XYLB: variants seen among roughly 807,000 people sequenced by gnomAD.
XYLB encodes xylulose kinase.
A neutral mutation model predicts 78.7 loss-of-function variants in XYLB; 62 were observed. The ratio of observed to expected loss-of-function variants is 0.79; its 90% CI spans 0.64 to 0.97. XYLB has a LOEUF of 0.97. XYLB is among the 50% of genes least tolerant of loss of function. XYLB has a pLI of 0.00. For synonymous variants in XYLB, 245 were observed against 247.4 expected, an observed-to-expected ratio of 0.99 and a Z score of 0.09; for missense variants, 687 against 676.8, an observed-to-expected ratio of 1.02 and a Z score of -0.17.
intron 11 of XYLB, 24 bp downstream of exon 11, chr3:38,374,526 A>G: frequency 1.9e-6 from 3 of 1,613,268 alleles, no homozygotes; most frequent in Non-Finnish European, 2.5e-6. Flanking sequence ...CCACACCCAT[A>G]GGCTCTTTCT....
intron 1 of XYLB, 89 bp from the exon 2 acceptor site, chr3:38,348,461 T>G (rs1705186279): frequency 1.6e-6 from 2 of 1,248,304 alleles, no homozygotes; most frequent in African/African-American, 2.9e-5. Context: ...TCCTAGGGTG[T>G]GGGGCCTCAT....
exon 18 of XYLB, among the ~76,000 whole-genome samples, chr3:38,420,104 C>T (rs1365545850): frequency 3.9e-5 from 6 of 152,168 alleles, no homozygotes; most frequent in African/African-American, 1.4e-4. Flanking sequence ...CAGGCGTGAG[C>T]CACCACGCCC....
chr3:38,386,266 C>G (rs544535710), intron 15 of XYLB, among the ~76,000 whole-genome samples: 23 of 152,218 alleles, frequency 1.5e-4, no homozygotes, highest in African/African-American at 5.5e-4. Flanking sequence ...ATCTGCCCCA[C>G]TCTGGTTATG....
chr3:38,426,913 C>T, the XYLB span, among the ~76,000 whole-genome samples: 4 of 152,268 alleles, frequency 2.6e-5, no homozygotes, highest in South Asian at 2.1e-4. Flanking sequence ...CACCTGGCCC[C>T]GCCCGGAGCA....
Position 38,366,793 on chromosome 3 carries a change from A to C in XYLB, c.508-15A>C. The C allele has an allele frequency of 6.3e-7, 1 of 1,598,558 alleles. No homozygotes were observed. Among genetic ancestry groups the C allele is most frequent in the Non-Finnish European group, 8.6e-7 (1 of 1,166,124 alleles). Reference sequence around the variant, plus strand: ...GTAGGATTTGGGTTCCTAAGAATTTATATTCCTTTTCCAGCGTTTTACAGG... The same window carrying C: ...GTAGGATTTGGGTTCCTAAGAATTTCTATTCCTTTTCCAGCGTTTTACAGG... On this transcript the variant is annotated splice_polypyrimidine_tract_variant and intron_variant, in intron 6 of 18. Coordinates refer to ENST00000207870, the MANE Select transcript of XYLB (RefSeq NM_005108.4).
At chr3:38,436,971 T>A in the XYLB span, among the ~76,000 whole-genome samples, 1 of 149,772 alleles carries the variant, frequency 6.7e-6, no homozygotes, top group Non-Finnish European at 1.5e-5. Flanking sequence ...ACCACTGCAC[T>A]CCAGCCTGGG....
chr3:38,417,597 C>T (rs1186431482), downstream of XYLB, among the ~76,000 whole-genome samples: 2 of 152,232 alleles, frequency 1.3e-5, no homozygotes, highest in African/African-American at 4.8e-5. Flanking sequence ...AAGACAGTTT[C>T]TAGCCCAGGC....
At chr3:38,397,925 T>C (rs1341622888) in intron 17 of XYLB, among the ~76,000 whole-genome samples, 4 of 151,132 alleles carry the variant, frequency 2.6e-5, no homozygotes, top group Non-Finnish European at 5.9e-5. Flanking sequence ...TTCACACCAT[T>C]CTCCTGCCTC....
chr3:38,413,176 G>T lies in XYLB; in HGVS notation c.*163G>T. On this transcript the variant is annotated 3_prime_UTR_variant, in exon 19 of 19. Transcript: ENST00000207870. ...TCTTAAAGCCGCCCTCAGCACATCT[G>T]CATGAAGATAGATAGGCACTCCTGT... 2 of 568,024 alleles carry T rather than the reference G, an allele frequency of 3.5e-6. No homozygotes were observed. The highest frequency in any genetic ancestry group is 5.7e-6 in the Non-Finnish European group (2 of 348,258). The allele number at this position is 568,024 out of a possible 1,614,324, so 35.2% of individuals were successfully genotyped here. A position where few individuals can be genotyped will look rare whatever the true frequency, so the allele number is the denominator to read the frequency against.
Position 38,370,060 on chromosome 3 carries a change from T to A in XYLB, c.651T>A (p.Ser217=), listed in dbSNP as rs767712896. Residue 217 remains serine (S), a synonymous_variant, in exon 9 of 19, where the codon TCT becomes TCA. Coordinates refer to ENST00000207870, the MANE Select transcript of XYLB (RefSeq NM_005108.4). ...TTTGTTTCCTTCCTTCCTCAGGTTC[T>A]GGAATGAATTTGTTGCAGATACAGG... ...SYSPIDYSDG[S]GMNLLQIQDK... 1.2e-6 allele frequency: 2 copies of A among 1,613,968 alleles called. No homozygotes were observed. Among genetic ancestry groups the A allele is most frequent in the Admixed American group, 3.3e-5 (2 of 60,022 alleles).
intron 18 of XYLB, among the ~76,000 whole-genome samples, chr3:38,405,482 T>G (rs1045741459): frequency 8.5e-5 from 13 of 152,212 alleles, no homozygotes; most frequent in South Asian, 4.2e-4. Flanking sequence ...TTCTGCATTT[T>G]CCATCTGAGG....
At chr3:38,365,362 T>A in intron 5 of XYLB, 77 bp downstream of exon 5, 1 of 1,509,300 alleles carries the variant, frequency 6.6e-7, no homozygotes, top group East Asian at 2.3e-5. Context: ...AGCCTGCTCA[T>A]CTCAGTGTTG....
chr3:38,400,449 T>G (rs1708074706), intron 17 of XYLB, among the ~76,000 whole-genome samples: 1 of 151,464 alleles, frequency 6.6e-6, no homozygotes, highest in African/African-American at 2.4e-5. Context: ...ATGTGAAGAG[T>G]GGAAAGAACA....
intron 2 of XYLB, 54 bp downstream of exon 2, chr3:38,348,686 C>T: frequency 6.4e-7 from 1 of 1,564,316 alleles, no homozygotes; most frequent in Non-Finnish European, 8.8e-7. Context: ...TTGGGGTCCT[C>T]CCGCAAACTT....
At chr3:38,355,268 C>T (rs1705586467) in intron 2 of XYLB, among the ~76,000 whole-genome samples, 1 of 152,210 alleles carries the variant, frequency 6.6e-6, no homozygotes, top group Non-Finnish European at 1.5e-5. Flanking sequence ...CCAACTTCTT[C>T]CCCTAAGAGC....
chr3:38,374,251 G>A lies in XYLB; in HGVS notation c.848-211G>A, dbSNP rs577034984. On this transcript the variant is annotated intron_variant, in intron 10 of 18. Transcript: ENST00000207870. Reference sequence around the variant, plus strand: ...AAGAGACTTCACAGCTCAAATCAGCGGCCCTGCTAACAGAGACTTCACCCC... The same window carrying A: ...AAGAGACTTCACAGCTCAAATCAGCAGCCCTGCTAACAGAGACTTCACCCC... Among the ~76,000 whole-genome samples, 55 of 151,590 alleles carry A rather than the reference G, an allele frequency of 3.6e-4. 1 individual carries two copies. The highest frequency in any genetic ancestry group is 1.1e-3 in the Admixed American group (17 of 15,290).
Position 38,400,898 on chromosome 3 carries a change from A to C in XYLB, c.1446A>C (p.Ala482=), listed in dbSNP as rs1352280534. 3.1e-6 allele frequency: 5 copies of C among 1,613,934 alleles called. No homozygotes were observed. Among genetic ancestry groups the C allele is most frequent in the Non-Finnish European group, 4.2e-6 (5 of 1,179,938 alleles). ...GSAYRAFHGL[A]GGTDVPFSEV... Reference sequence around the variant, plus strand: ...GTGACCTTTCCCTTCTAGGTCTTGCAGGTGGAACAGATGTGCCCTTTTCAG... The same window carrying C: ...GTGACCTTTCCCTTCTAGGTCTTGCCGGTGGAACAGATGTGCCCTTTTCAG... Residue 482 remains alanine (A), a synonymous_variant, in exon 18 of 19, where the codon GCA becomes GCC. Coordinates refer to ENST00000207870, the MANE Select transcript of XYLB (RefSeq NM_005108.4).
the XYLB span, among the ~76,000 whole-genome samples, chr3:38,446,034 C>T: frequency 5.3e-5 from 8 of 152,132 alleles, no homozygotes; most frequent in Admixed American, 3.3e-4. Context: ...AAAGGTGCCA[C>T]GGACCCAAAG....
At chr3:38,387,573 T>G (rs139654507) in intron 15 of XYLB, among the ~76,000 whole-genome samples, 2,043 of 152,176 alleles carry the variant, frequency 0.013, 29 homozygotes, top group Middle Eastern at 0.02. Flanking sequence ...GGTTTCACCA[T>G]GTTAGGCAGG....
Sources: allele counts gnomAD v4.1 joint callset (sites outside exome capture counted in the v4.1 genomes callset), GRCh38; gene constraint gnomAD v4.1.1; transcripts MANE v1.5; gene names NCBI Gene and HGNC (gene_info 2026-07-23, HGNC 2026-07-21).